Variants in MGAT4C observed in about 807,000 individuals in gnomAD.
The protein encoded by MGAT4C is alpha-1,3-mannosyl-glycoprotein 4-beta-N-acetylglucosaminyltransferase C.
A neutral mutation model predicts 40.1 loss-of-function variants in MGAT4C; 19 were observed. The observed-to-expected ratio is 0.47, with a 90% CI of 0.33 to 0.70. The LOEUF (loss-of-function observed/expected upper bound fraction) is 0.70. Among genes scored for constraint, MGAT4C ranks in the 30% least tolerant of loss-of-function variants. The pLI, the probability that MGAT4C is intolerant of heterozygous loss-of-function variation, is 0.02. For synonymous variants in MGAT4C, 181 were observed against 187.1 expected, an observed-to-expected ratio of 0.97 and a Z score of 0.27; for missense variants, 491 against 563.2, an observed-to-expected ratio of 0.87 and a Z score of 1.30.
intron 2 of MGAT4C, among the ~76,000 whole-genome samples, chr12:86,532,998 T>C (rs916090707): frequency 6.6e-6 from 1 of 152,000 alleles, no homozygotes; most frequent in Non-Finnish European, 1.5e-5. Context: ...CATTAACCAT[T>C]TGAAAAAAAT....
At chr12:86,713,558 C>T (rs1483384341) in intron 2 of MGAT4C, among the ~76,000 whole-genome samples, 2 of 151,918 alleles carry the variant, frequency 1.3e-5, no homozygotes, top group Non-Finnish European at 2.9e-5. Flanking sequence ...AGACTATATG[C>T]TACAAGAAAG....
At chr12:86,602,372 C>A (rs1961817218) in intron 2 of MGAT4C, among the ~76,000 whole-genome samples, 1 of 152,122 alleles carries the variant, frequency 6.6e-6, no homozygotes, top group Non-Finnish European at 1.5e-5. Flanking sequence ...AAATCAACTT[C>A]CTAAAGTGAT....
At chr12:86,630,386 C>A (rs755735171) in intron 2 of MGAT4C, among the ~76,000 whole-genome samples, 1 of 152,142 alleles carries the variant, frequency 6.6e-6, no homozygotes, top group Non-Finnish European at 1.5e-5. Flanking sequence ...AGAGGGAATC[C>A]TCCCTAACTC....
At chr12:86,182,719 T>G (rs1045312963) in intron 1 of MGAT4C, among the ~76,000 whole-genome samples, 1 of 152,182 alleles carries the variant, frequency 6.6e-6, no homozygotes, top group South Asian at 2.1e-4. Context: ...TAGATTGACA[T>G]AAAGCAGCCA....
intron 4 of MGAT4C, among the ~76,000 whole-genome samples, chr12:86,282,633 G>T (rs1218965378): frequency 6.6e-6 from 1 of 151,630 alleles, no homozygotes; most frequent in Admixed American, 6.6e-5. Context: ...TACATATTGT[G>T]GATATTATAT....
At chr12:86,454,910 T>C (rs763989336) in intron 2 of MGAT4C, among the ~76,000 whole-genome samples, 3 of 152,172 alleles carry the variant, frequency 2.0e-5, no homozygotes, top group Non-Finnish European at 2.9e-5. Context: ...CATTATTTTG[T>C]CTATTCCCTC....
intron 1 of MGAT4C, among the ~76,000 whole-genome samples, chr12:86,236,251 T>C (rs1452316821): frequency 6.6e-6 from 1 of 152,086 alleles, no homozygotes; most frequent in Non-Finnish European, 1.5e-5. Context: ...TACAAAACTA[T>C]CAGAGGCCTG....
At chr12:86,547,104 C>T (rs1959197899) in intron 2 of MGAT4C, among the ~76,000 whole-genome samples, 1 of 151,620 alleles carries the variant, frequency 6.6e-6, no homozygotes, top group Admixed American at 6.6e-5. Flanking sequence ...TTTATTTTCC[C>T]ATGTTTTATT....
chr12:86,652,826 C>T (rs1182209105), intron 2 of MGAT4C, among the ~76,000 whole-genome samples: 2 of 151,950 alleles, frequency 1.3e-5, no homozygotes, highest in East Asian at 1.9e-4. Context: ...ACATTATATT[C>T]CTTGTAATTA....
At chr12:86,295,995 C>T (rs565360490) in intron 4 of MGAT4C, among the ~76,000 whole-genome samples, 131 of 136,046 alleles carry the variant, frequency 9.6e-4, no homozygotes, top group African/African-American at 3.6e-3. Context: ...GGTGCACTCA[C>T]AAACCTTGAG....
intron 2 of MGAT4C, among the ~76,000 whole-genome samples, chr12:86,717,581 G>A (rs561626689): frequency 4.6e-5 from 7 of 152,236 alleles, no homozygotes; most frequent in South Asian, 2.1e-4. Flanking sequence ...AAAATGCTAA[G>A]TTGTGAGGTT....
chr12:86,733,233 C>T (rs765953589), intron 1 of MGAT4C, among the ~76,000 whole-genome samples: 34 of 152,024 alleles, frequency 2.2e-4, no homozygotes, highest in Non-Finnish European at 3.1e-4. Flanking sequence ...ACAGAACCCA[C>T]AGAACAGTTT....
chr12:86,508,266 T>C (rs2136343962), intron 2 of MGAT4C, among the ~76,000 whole-genome samples: 1 of 152,102 alleles, frequency 6.6e-6, no homozygotes, highest in African/African-American at 2.4e-5. Flanking sequence ...TGTCCAAGTG[T>C]TCTCATTGTT....
In MGAT4C at chr12:86,759,006, C is replaced by T. The variant is rs115254475; in HGVS notation, c.-261-31765G>A. 2.8e-3 allele frequency among the ~76,000 whole-genome samples: 427 copies of T among 152,188 alleles called. 3 individuals are homozygous for T. The highest frequency in any genetic ancestry group is 9.9e-3 in the African/African-American group (412 of 41,550). On this transcript the variant is annotated intron_variant, in intron 1 of 7. Coordinates refer to the MGAT4C transcript ENST00000548651. ...GCCTATTCTTCCTACCTAACTGTAG[C>T]TTTGCACTTGTTGACAATCTCTCAT...
At chr12:86,812,179 A>C (rs1023659307) in intron 1 of MGAT4C, among the ~76,000 whole-genome samples, 6 of 149,958 alleles carry the variant, frequency 4.0e-5, no homozygotes, top group African/African-American at 1.5e-4. Flanking sequence ...GTCTGATTTC[A>C]TTTACTTTAA....
chr12:86,412,837 A>G (rs955863256), intron 3 of MGAT4C, among the ~76,000 whole-genome samples: 1 of 152,158 alleles, frequency 6.6e-6, no homozygotes, highest in African/African-American at 2.4e-5. Context: ...TTTAATCCTC[A>G]GTGTTAGAGA....
At chr12:86,584,904 C>T (rs79017208) in intron 2 of MGAT4C, among the ~76,000 whole-genome samples, 8 of 39,400 alleles carry the variant, frequency 2.0e-4, no homozygotes, top group Non-Finnish European at 6.1e-4. Flanking sequence ...ATTTTATTAA[C>T]ATATATGTTT....
At chr12:86,206,168 C>T (rs984177996) in intron 1 of MGAT4C, among the ~76,000 whole-genome samples, 10 of 152,012 alleles carry the variant, frequency 6.6e-5, no homozygotes, top group African/African-American at 2.4e-4. Flanking sequence ...ATGTAAATTC[C>T]AGTAGACTCA....
At chr12:86,459,430 T>C (rs1229977980) in intron 2 of MGAT4C, among the ~76,000 whole-genome samples, 1 of 151,828 alleles carries the variant, frequency 6.6e-6, no homozygotes, top group Non-Finnish European at 1.5e-5. Context: ...TTTACAACCA[T>C]GTTGTAAACT....
Sources: gnomAD v4.1 joint callset for allele counts (sites outside exome capture counted in the v4.1 genomes callset) on GRCh38, gnomAD v4.1.1 for gene constraint, MANE v1.5 for transcripts, NCBI Gene and HGNC (gene_info 2026-07-23, HGNC 2026-07-21) for gene names.